DLG2: variants seen among roughly 807,000 people sequenced by gnomAD.
DLG2 encodes discs large MAGUK scaffold protein 2, also known as disks large homolog 2.
Under a neutral mutation model 132.5 loss-of-function variants are expected in DLG2, and 45 were observed. The ratio of observed to expected loss-of-function variants is 0.34; its 90% confidence interval spans 0.27 to 0.44. The LOEUF (loss-of-function observed/expected upper bound fraction) is 0.44, where lower values mean the gene tolerates loss of function less well. Among genes scored for constraint, DLG2 ranks in the 20% least tolerant of loss-of-function variants. The probability of loss-of-function intolerance (pLI) is 1.00; values close to 1 mark genes in which losing one functional copy is unlikely to be tolerated. For missense variants in DLG2, 1,045 were observed against 1,196.9 expected, an observed-to-expected ratio of 0.87 and a Z score of 1.87; for synonymous variants, 424 against 419.6, an observed-to-expected ratio of 1.01 and a Z score of -0.13.
At chr11:85,132,755 T>C (rs1255218689) in intron 5 of DLG2, 1 of 456,734 alleles carries the variant, frequency 2.2e-6, no homozygotes, top group South Asian at 1.5e-5. Context: ...AACAGCCCTG[T>C]TTCCTATCCT....
chr11:83,648,203 T>TGAACAAA (rs2068853048), intron 18 of DLG2, among the ~76,000 whole-genome samples: 1 of 152,056 alleles, frequency 6.6e-6, no homozygotes, highest in South Asian at 2.1e-4. Context: ...TGTTAAGGCA[T>TGAACAAA]GAACAAAGAA....
intron 8 of DLG2, among the ~76,000 whole-genome samples, chr11:84,187,743 G>A (rs2096307732): frequency 6.6e-6 from 1 of 152,038 alleles, no homozygotes. Flanking sequence ...AGGTAATGAT[G>A]GGTATCTGGA....
intron 18 of DLG2, among the ~76,000 whole-genome samples, chr11:83,651,085 C>T (rs1184438017): frequency 6.6e-6 from 1 of 151,872 alleles, no homozygotes; most frequent in East Asian, 1.9e-4. Context: ...ACCTGTTTCC[C>T]CTGCCAGCCT....
intron 4 of DLG2, among the ~76,000 whole-genome samples, chr11:85,253,474 G>A (rs1247546752): frequency 6.6e-6 from 1 of 152,162 alleles, no homozygotes; most frequent in Non-Finnish European, 1.5e-5. Context: ...CAGAGGGAGG[G>A]TGAATAGAAG....
intron 3 of DLG2, among the ~76,000 whole-genome samples, chr11:85,455,894 T>G (rs1252701119): frequency 6.6e-6 from 1 of 152,198 alleles, no homozygotes; most frequent in Non-Finnish European, 1.5e-5. Context: ...GGATTAGATT[T>G]TTGATGTGCT....
At chr11:85,137,858 T>C (rs533742699) in intron 5 of DLG2, among the ~76,000 whole-genome samples, 2 of 152,148 alleles carry the variant, frequency 1.3e-5, no homozygotes, top group African/African-American at 4.8e-5. Flanking sequence ...GCAAAATGCC[T>C]GCCCTCATTT....
intron 6 of DLG2, among the ~76,000 whole-genome samples, chr11:84,807,178 G>A (rs2076088837): frequency 6.6e-6 from 1 of 152,206 alleles, no homozygotes; most frequent in Non-Finnish European, 1.5e-5. Context: ...AGGTGTGGTG[G>A]CTCACATCTG....
chr11:84,139,334 A>G (rs979913702), intron 9 of DLG2, among the ~76,000 whole-genome samples: 1 of 152,136 alleles, frequency 6.6e-6, no homozygotes, highest in Non-Finnish European at 1.5e-5. Context: ...ATAACATTTT[A>G]GGAGGGAGAA....
chr11:84,789,395 A>C (rs2073449177), intron 6 of DLG2, among the ~76,000 whole-genome samples: 1 of 152,108 alleles, frequency 6.6e-6, no homozygotes, highest in Non-Finnish European at 1.5e-5. Context: ...TTTTAGGACA[A>C]AGCTTTATTT....
chr11:84,343,817 T>C (rs2098526719), intron 7 of DLG2, among the ~76,000 whole-genome samples: 1 of 152,226 alleles, frequency 6.6e-6, no homozygotes, highest in African/African-American at 2.4e-5. Context: ...GCCTAAAATT[T>C]ACATTTTTTT....
chr11:84,153,763 G>T (rs1305703535), intron 9 of DLG2, among the ~76,000 whole-genome samples: 32 of 152,176 alleles, frequency 2.1e-4, no homozygotes, highest in African/African-American at 7.7e-4. Context: ...GGCTTCCTTG[G>T]ATTTCTCCTG....
intron 6 of DLG2, among the ~76,000 whole-genome samples, chr11:85,016,548 C>A (rs183430390): frequency 6.6e-6 from 1 of 152,078 alleles, no homozygotes; most frequent in Non-Finnish European, 1.5e-5. Flanking sequence ...ATCCAAATCC[C>A]AGATAAATAC....
At chr11:84,823,757 C>T (rs980885472) in intron 6 of DLG2, among the ~76,000 whole-genome samples, 6 of 151,684 alleles carry the variant, frequency 4.0e-5, no homozygotes, top group African/African-American at 9.7e-5. Flanking sequence ...TTGTTTGTTT[C>T]GTTCACTGCT....
chr11:85,065,286 T>G (rs116764646), intron 6 of DLG2, among the ~76,000 whole-genome samples: 5,272 of 151,632 alleles, frequency 0.035, 123 homozygotes, highest in African/African-American at 0.056. Context: ...ATCTTCCACA[T>G]TGTCTACCTA....
chr11:83,568,681 G>A (rs2096748991), intron 19 of DLG2, among the ~76,000 whole-genome samples: 2 of 152,224 alleles, frequency 1.3e-5, no homozygotes, highest in South Asian at 4.1e-4. Flanking sequence ...TGCAGGGGAG[G>A]AGGAAGATTC....
At chr11:85,019,893 T>C (rs2059895415) in intron 6 of DLG2, among the ~76,000 whole-genome samples, 1 of 152,184 alleles carries the variant, frequency 6.6e-6, no homozygotes. Flanking sequence ...TTGGTTCCAG[T>C]TCTTTGCTAT....
At chr11:85,559,087 A>AATGGAATAT (rs2077082281) in intron 3 of DLG2, among the ~76,000 whole-genome samples, 1 of 151,724 alleles carries the variant, frequency 6.6e-6, no homozygotes, top group African/African-American at 2.4e-5. Context: ...GAATTGTCAA[A>AATGGAATAT]ATGGAATATA....
intron 6 of DLG2, among the ~76,000 whole-genome samples, chr11:85,077,766 T>A (rs1470811274): frequency 1.3e-5 from 2 of 152,088 alleles, no homozygotes; most frequent in Non-Finnish European, 2.9e-5. Context: ...AAAAGTCAAG[T>A]TCTTTTTTCC....
intron 4 of DLG2, among the ~76,000 whole-genome samples, chr11:85,194,790 G>T (rs898604146): frequency 6.6e-6 from 1 of 152,166 alleles, no homozygotes; most frequent in Non-Finnish European, 1.5e-5. Flanking sequence ...GCACAAAGCA[G>T]ATGAATTTTC....
Sources: gnomAD v4.1 joint callset for allele counts (sites outside exome capture counted in the v4.1 genomes callset) on GRCh38, gnomAD v4.1.1 for gene constraint, MANE v1.5 for transcripts, NCBI Gene and HGNC (gene_info 2026-07-23, HGNC 2026-07-21) for gene names.